MYO10: variants seen among roughly 807,000 people sequenced by gnomAD.
MYO10 encodes myosin X, also known as unconventional myosin-X.
Under a neutral mutation model 257.3 loss-of-function variants are expected in MYO10, and 133 were observed. That is an observed-to-expected ratio of 0.52 (90% CI 0.45 to 0.60). The LOEUF (loss-of-function observed/expected upper bound fraction) is 0.60, where lower values mean the gene tolerates loss of function less well. MYO10 is among the 20% of genes least tolerant of loss of function. The probability of loss-of-function intolerance (pLI) is 0.00; values close to 1 mark genes in which losing one functional copy is unlikely to be tolerated. For missense variants in MYO10, 2,399 were observed against 2,635.7 expected (o/e 0.91, Z 1.97); for synonymous variants, 1,104 against 1,028.6 (o/e 1.07, Z -1.40).
chr5:16,918,500 C>CTTTTTTTTTTTTT (rs5866221), intron 1 of MYO10, among the ~76,000 whole-genome samples: 2 of 117,696 alleles, frequency 1.7e-5, no homozygotes, highest in Non-Finnish European at 3.4e-5. Context: ...TTTTTCTTTT[C>CTTTTTTTTTTTTT]TTTTTTTTTT....
At chr5:16,728,304 C>T (rs1478680013) in intron 19 of MYO10, among the ~76,000 whole-genome samples, 3 of 152,162 alleles carry the variant, frequency 2.0e-5, no homozygotes, top group Admixed American at 6.5e-5. Flanking sequence ...CCTCCTTCTG[C>T]GGGCTGCCCT....
At chr5:16,771,547 T>TTTTTTA (rs375474010) in intron 9 of MYO10, among the ~76,000 whole-genome samples, 3 of 136,894 alleles carry the variant, frequency 2.2e-5, no homozygotes, top group Admixed American at 1.5e-4. Context: ...ACTATTATGA[T>TTTTTTA]TTATTATTAT....
At chr5:16,765,342 G>A (rs1740832863) in intron 11 of MYO10, among the ~76,000 whole-genome samples, 1 of 152,146 alleles carries the variant, frequency 6.6e-6, no homozygotes, top group African/African-American at 2.4e-5. Flanking sequence ...TCCCATGCCG[G>A]ATGCTTCCTG....
chr5:16,668,435 A>G lies in MYO10; in HGVS notation c.5917T>C (p.Leu1973=). ...KEGGFPQELW[L]GVSADAVSVY... is the part of the protein sequence containing the mutation. Reference sequence around the variant, plus strand: ...GAGACGGCGTCCGCGCTGACACCCAACCAGAGTTCCTGAGGGAAGCCACCT... The same window carrying G: ...GAGACGGCGTCCGCGCTGACACCCAGCCAGAGTTCCTGAGGGAAGCCACCT... The change falls in exon 40 of 41, where the codon TTG becomes CTG. Residue 1973 remains leucine (L), a synonymous_variant. Coordinates refer to ENST00000513610, the MANE Select transcript of MYO10 (RefSeq NM_012334.3). The G allele has an allele frequency of 6.2e-7, 1 of 1,612,218 alleles. No individual in the cohort carries two copies. Among genetic ancestry groups the G allele is most frequent in the Non-Finnish European group, 8.5e-7 (1 of 1,179,278 alleles).
At chr5:16,809,672 G>A (rs1017900864) in intron 3 of MYO10, among the ~76,000 whole-genome samples, 2 of 152,218 alleles carry the variant, frequency 1.3e-5, no homozygotes, top group South Asian at 2.1e-4. Flanking sequence ...ACCAAAGGAG[G>A]ATATTTTTGA....
At chr5:16,678,348 G>A (rs1736832084) in intron 33 of MYO10, among the ~76,000 whole-genome samples, 2 of 152,114 alleles carry the variant, frequency 1.3e-5, no homozygotes, top group South Asian at 2.1e-4. Flanking sequence ...GGGAGGCTGA[G>A]GTAGGCAGAT....
chr5:16,686,992 G>C (rs1473718252), intron 28 of MYO10, among the ~76,000 whole-genome samples: 1 of 152,026 alleles, frequency 6.6e-6, no homozygotes, highest in Non-Finnish European at 1.5e-5. Context: ...TTTCAAATGA[G>C]TACTCTCACA....
At position 16,671,016 on chromosome 5, in the gene MYO10, C is replaced by T. The variant is rs577786920; in HGVS notation, c.5431-38G>A. 7.1e-6 allele frequency: 11 copies of T among 1,548,312 alleles called. No homozygotes were observed. In the South Asian group the frequency reaches 9.7e-5, roughly 14 times the overall value. Reference sequence around the variant, plus strand: ...AGTCAACAGCTTTCCGGTCAACGCACTGCCATGCCATGGGATGCCCACGTC... The same window carrying T: ...AGTCAACAGCTTTCCGGTCAACGCATTGCCATGCCATGGGATGCCCACGTC... On this transcript the variant is annotated intron_variant, in intron 38 of 40. Coordinates refer to ENST00000513610, the MANE Select transcript of MYO10 (RefSeq NM_012334.3).
chr5:16,931,004 GC>G (rs1746280227), intron 1 of MYO10, among the ~76,000 whole-genome samples: 1 of 152,194 alleles, frequency 6.6e-6, no homozygotes, highest in African/African-American at 2.4e-5. Context: ...GGGCATGGTG[GC>G]TCATGCCTGT....
At chr5:16,903,308 G>A (rs1745437311) in intron 1 of MYO10, among the ~76,000 whole-genome samples, 1 of 152,232 alleles carries the variant, frequency 6.6e-6, no homozygotes. Context: ...GGGAGGCTGA[G>A]GCAGGAGAAT....
chr5:16,667,792 G>A (rs1736245847), intron 40 of MYO10, among the ~76,000 whole-genome samples: 1 of 152,058 alleles, frequency 6.6e-6, no homozygotes, highest in Non-Finnish European at 1.5e-5. Context: ...AAACTTGGAG[G>A]CTGGTAGCAC....
chr5:16,692,458 C>T (rs1269032489), intron 27 of MYO10, among the ~76,000 whole-genome samples: 1 of 151,996 alleles, frequency 6.6e-6, no homozygotes, highest in Non-Finnish European at 1.5e-5. Flanking sequence ...AAGGCCACTG[C>T]AGAAATCTGA....
intron 3 of MYO10, among the ~76,000 whole-genome samples, chr5:16,800,435 C>T (rs1476404013): frequency 1.3e-5 from 2 of 152,156 alleles, no homozygotes; most frequent in Non-Finnish European, 2.9e-5. Flanking sequence ...ATATTAATAA[C>T]AGACTGTTGC....
At chr5:16,911,394 G>T (rs1745652233) in intron 1 of MYO10, among the ~76,000 whole-genome samples, 1 of 152,276 alleles carries the variant, frequency 6.6e-6, no homozygotes, top group East Asian at 1.9e-4. Context: ...GCCAAGGACG[G>T]CTTTGAATGC....
intron 1 of MYO10, among the ~76,000 whole-genome samples, chr5:16,906,483 G>A (rs150475468): frequency 9.9e-4 from 150 of 152,206 alleles, no homozygotes; most frequent in African/African-American, 3.2e-3. Context: ...AGGCAAAATC[G>A]CACTGTTGAG....
At chr5:16,800,673 G>A (rs566214541) in intron 3 of MYO10, among the ~76,000 whole-genome samples, 6 of 152,208 alleles carry the variant, frequency 3.9e-5, no homozygotes, top group African/African-American at 4.8e-5. Flanking sequence ...CTAAGCTTCC[G>A]CTGTTCTCCA....
In MYO10 at chr5:16,681,877, C is replaced by G. The variant is rs180896948; in HGVS notation, c.4183G>C (p.Val1395Leu). The change falls in exon 31 of 41, where the codon GTG (valine) becomes CTG (leucine). Residue 1395 changes from valine (V) to leucine (L), a missense_variant. Val to Leu is a conservative substitution (Grantham distance 32). Transcript: ENST00000513610. ...AAGCAGGGCAGGCAGTCACCTCTCA[C>G]GATGAATTCCTGGCCCTCCACTCTG... ...DTRVEGQEFI[V>L]RGWLHKEVKN... 1 of 1,613,774 alleles carries G rather than the reference C, an allele frequency of 6.2e-7. No homozygotes were observed. Among genetic ancestry groups the G allele is most frequent in the South Asian group, 1.1e-5 (1 of 91,052 alleles).
In MYO10 at chr5:16,672,828, G is replaced by A. The variant is rs896343382; in HGVS notation, c.5173-3C>T. Reference sequence around the variant, plus strand: ...CCTCGGATCAGCTTCTCCACCACCTGGAAGACACACCAGGGGGACTTCAGT... The same window carrying A: ...CCTCGGATCAGCTTCTCCACCACCTAGAAGACACACCAGGGGGACTTCAGT... On this transcript the variant is annotated splice_region_variant and splice_polypyrimidine_tract_variant and intron_variant, in intron 36 of 40. Coordinates refer to ENST00000513610, the MANE Select transcript of MYO10 (RefSeq NM_012334.3). 21 of 1,612,140 alleles carry A rather than the reference G, an allele frequency of 1.3e-5. No individual in the cohort carries two copies. The highest frequency in any genetic ancestry group is 1.7e-5 in the Admixed American group (1 of 59,700).
At chr5:16,788,857 A>AT (rs1741670307) in intron 4 of MYO10, among the ~76,000 whole-genome samples, 2 of 152,068 alleles carry the variant, frequency 1.3e-5, no homozygotes, top group Admixed American at 6.6e-5. Flanking sequence ...CATCTTTTGT[A>AT]TTTTTTTCCA....
Sources: allele counts gnomAD v4.1 joint callset (sites outside exome capture counted in the v4.1 genomes callset), GRCh38; gene constraint gnomAD v4.1.1; transcripts MANE v1.5; gene names NCBI Gene and HGNC (gene_info 2026-07-23, HGNC 2026-07-21).